ZNF292: variants seen among roughly 807,000 people sequenced by gnomAD.
ZNF292 encodes the protein zinc finger protein 292.
ZNF292 carries 26 observed loss-of-function variants against 217.9 expected under a neutral mutation model. The ratio of observed to expected loss-of-function variants is 0.12; its 90% confidence interval spans 0.09 to 0.17. ZNF292 has a LOEUF of 0.17. Among genes scored for constraint, ZNF292 ranks in the 10% least tolerant of loss-of-function variants. ZNF292 has a pLI of 1.00. For synonymous variants in ZNF292, 1,257 were observed against 1,124.1 expected, an observed-to-expected ratio of 1.12 and a Z score of -2.37; for missense variants, 2,904 against 3,175.2, an observed-to-expected ratio of 0.91 and a Z score of 2.05.
chr6:87,190,682 C>T (rs1018581919), intron 1 of ZNF292, among the ~76,000 whole-genome samples: 1 of 152,064 alleles, frequency 6.6e-6, no homozygotes, highest in Non-Finnish European at 1.5e-5. Context: ...TCATGTTGGC[C>T]AGGCTGGTCT....
Position 87,260,488 on chromosome 6 carries a change from G to T in ZNF292, c.6859G>T (p.Ala2287Ser). 1 of 1,613,444 alleles carries T rather than the reference G, an allele frequency of 6.2e-7. No individual in the cohort carries two copies. The highest frequency in any genetic ancestry group is 8.5e-7 in the Non-Finnish European group (1 of 1,179,674). The stretch of plus-strand genomic sequence containing the variant: ...TAATAAGCATAATGACAAACATAAG[G>T]CTCATTTGATTCGTCCAAGAAGATT... Reference protein sequence around the residue: ...IFNKHNDKHKAHLIRPRRLTP... With the variant: ...IFNKHNDKHKSHLIRPRRLTP... The change falls in exon 8 of 8, where the codon GCT becomes TCT. Residue 2287 changes from alanine to serine, a missense_variant. This residue lies in a region of ZNF292 where 55 missense variants were observed against 99.8 expected (regional missense o/e 0.55). Transcript: ENST00000369577.
chr6:87,184,211 G>A (rs370868842), intron 1 of ZNF292, among the ~76,000 whole-genome samples: 1 of 152,210 alleles, frequency 6.6e-6, no homozygotes, highest in African/African-American at 2.4e-5. Context: ...AATGTGTGAA[G>A]GGGCAGAAGT....
At position 87,259,777 on chromosome 6, in the gene ZNF292, C is replaced by T; in HGVS notation, c.6148C>T (p.Pro2050Ser). ...PEKQLVEKKS[P>S]DKTESSLQVI... ...AAAACAACTTGTAGAAAAAAAAAGT[C>T]CTGACAAAACAGAAAGTTCTTTACA... Residue 2050 changes from proline (P) to serine (S), a missense_variant, in exon 8 of 8, where the codon CCT (proline) becomes TCT (serine). Physicochemically the swap from Pro to Ser is moderately conservative, Grantham distance 74. Around this residue, in one of 15 missense-constraint regions of ZNF292, gnomAD observed 261 missense variants for 272.8 expected, o/e 0.96. Transcript: ENST00000369577. 2 of 1,602,970 alleles carry T rather than the reference C, an allele frequency of 1.2e-6. No individual in the cohort carries two copies. Among genetic ancestry groups the T allele is most frequent in the Non-Finnish European group, 1.7e-6 (2 of 1,174,606 alleles).
At chr6:87,233,954 A>C (rs1014296958) in intron 5 of ZNF292, among the ~76,000 whole-genome samples, 1 of 152,136 alleles carries the variant, frequency 6.6e-6, no homozygotes, top group Non-Finnish European at 1.5e-5. Context: ...TCTATATAGA[A>C]TATATATATG....
chr6:87,184,975 G>C (rs1012214318), intron 1 of ZNF292, among the ~76,000 whole-genome samples: 1 of 152,178 alleles, frequency 6.6e-6, no homozygotes, highest in African/African-American at 2.4e-5. Flanking sequence ...AGTGAGGTCA[G>C]ATCTTCCCTA....
At chr6:87,221,285 C>T (rs947869843) in intron 4 of ZNF292, among the ~76,000 whole-genome samples, 6 of 152,112 alleles carry the variant, frequency 3.9e-5, no homozygotes, top group Non-Finnish European at 5.9e-5. Context: ...ATCAAAGGAA[C>T]TTTAGGCATA....
In ZNF292 at chr6:87,260,695, C is replaced by A. The variant is rs1418701781; in HGVS notation, c.7066C>A (p.Pro2356Thr). 6.2e-7 allele frequency: 1 copy of A among 1,613,022 alleles called. No individual in the cohort carries two copies. The highest frequency in any genetic ancestry group is 1.3e-5 in the African/African-American group (1 of 74,946). The change falls in exon 8 of 8, where the codon CCT (proline) becomes ACT (threonine). Residue 2356 changes from proline (P) to threonine (T), a missense_variant. Pro to Thr is a conservative substitution (Grantham distance 38). Around this residue, in one of 15 missense-constraint regions of ZNF292, gnomAD observed 101 missense variants for 89.5 expected, o/e 1.13. Coordinates refer to ENST00000369577, the MANE Select transcript of ZNF292 (RefSeq NM_015021.3). ...GATTGTGCAGATTGAAGAAAATAAGCCTTATTCTCTGAAACGTGGGAAGCA... is the reference window on the plus strand; with the variant it reads ...GATTGTGCAGATTGAAGAAAATAAGACTTATTCTCTGAAACGTGGGAAGCA... Reference protein sequence around the residue: ...AKIVQIEENKPYSLKRGKHVY... With the variant: ...AKIVQIEENKTYSLKRGKHVY...
intron 1 of ZNF292, chr6:87,173,410 T>C (rs1286946697): frequency 1.3e-5 from 2 of 154,368 alleles, no homozygotes; most frequent in African/African-American, 4.8e-5. Context: ...GGGGTAAATT[T>C]AGCTTCTTCA....
chr6:87,239,993 A>G (rs909567587), intron 5 of ZNF292, among the ~76,000 whole-genome samples: 3 of 152,108 alleles, frequency 2.0e-5, no homozygotes, highest in African/African-American at 7.2e-5. Context: ...TGGGAGGCCA[A>G]GGCAGGCGGC....
rs2127883472 is a variant in ZNF292, at chr6:87,264,388, A to AT, written c.*2590dup. ...TTTTTGAAATTTTCAACGGTGTTAA[A>AT]TTTAACATAGGTACATTATTATTTT... On this transcript the variant is annotated 3_prime_UTR_variant, in exon 8 of 8. Transcript: ENST00000369577. 6.6e-6 allele frequency among the ~76,000 whole-genome samples: 1 copy of AT among 152,342 alleles called. No homozygotes were observed. The highest frequency in any genetic ancestry group is 1.9e-4 in the East Asian group (1 of 5,188).
At position 87,255,766 on chromosome 6, in the gene ZNF292, C is replaced by T. The variant is rs1775177612; in HGVS notation, c.2137C>T (p.Arg713Cys). The stretch of plus-strand genomic sequence containing the variant: ...GCATAAAGATAATGAAGACGCCAAG[C>T]GCTTTCTTGAAATGCAGAGCAAAAA... ...KGHKDNEDAK[R>C]FLEMQSKKVI... Residue 713 changes from arginine (R) to cysteine (C), a missense_variant, in exon 8 of 8, where the codon CGC (arginine) becomes TGC (cysteine). Physicochemically the swap from Arg to Cys is radical, Grantham distance 180. Coordinates refer to ENST00000369577, the MANE Select transcript of ZNF292 (RefSeq NM_015021.3). 3.7e-6 allele frequency: 6 copies of T among 1,613,674 alleles called. No homozygotes were observed. The highest frequency in any genetic ancestry group is 2.2e-5 in the South Asian group (2 of 91,076).
Position 87,163,492 on chromosome 6 carries a change from C to T in ZNF292, c.168+7733C>T, listed in dbSNP as rs555014874. ...AAAAAAACCACATACATTTTAGTTA[C>T]ATATATCTTTTGATTTATTCTAATC... On this transcript the variant is annotated intron_variant, in intron 1 of 7. Transcript: ENST00000369577. Among the ~76,000 whole-genome samples the T allele has an allele frequency of 2.0e-5, 3 of 151,816 alleles. No homozygotes were observed. The South Asian group carries it at 6.3e-4, about 32-fold the overall frequency.
rs1444134761 is a variant in ZNF292, at chr6:87,239,738, C to T, written c.742-3737C>T. On this transcript the variant is annotated intron_variant, in intron 5 of 7. Coordinates refer to ENST00000369577, the MANE Select transcript of ZNF292 (RefSeq NM_015021.3). ...GGGGTCGCGGCTGGGCAGAGGCGCT[C>T]CTCACATCCCAGATGGGGCGGTGGG... Among the ~76,000 whole-genome samples the T allele has an allele frequency of 1.4e-5, 2 of 144,420 alleles. 1 individual carries two copies. The highest frequency in any genetic ancestry group is 5.4e-5 in the African/African-American group (2 of 37,340). 94.7% of individuals were successfully genotyped at this position (144,420 alleles called of 152,430 possible). A position where few individuals can be genotyped will look rare whatever the true frequency, so the allele number is the denominator to read the frequency against.
Position 87,256,035 on chromosome 6 carries a change from A to G in ZNF292, c.2406A>G (p.Gln802=). 6.2e-7 allele frequency: 1 copy of G among 1,608,432 alleles called. No individual in the cohort carries two copies. The highest frequency in any genetic ancestry group is 8.5e-7 in the Non-Finnish European group (1 of 1,176,864). ...EAYLLYDHEA[Q]HYNTYTCKFT... is the part of the protein sequence containing the mutation. ...ATTTACTATATGATCATGAAGCACAACATTATAATACGTACACTTGTAAGT... is the reference window on the plus strand; with the variant it reads ...ATTTACTATATGATCATGAAGCACAGCATTATAATACGTACACTTGTAAGT... Residue 802 remains glutamine (Q), a synonymous_variant, in exon 8 of 8, where the codon CAA becomes CAG. Coordinates refer to ENST00000369577, the MANE Select transcript of ZNF292 (RefSeq NM_015021.3).
In ZNF292 at chr6:87,260,933, T is replaced by G. The variant is rs1283471441; in HGVS notation, c.7304T>G (p.Val2435Gly). The change falls in exon 8 of 8, where the codon GTA becomes GGA. Residue 2435 changes from valine to glycine, a missense_variant. By Grantham distance (109) the Val-to-Gly change is moderately radical (BLOSUM62 -3). Around this residue, in one of 15 missense-constraint regions of ZNF292, gnomAD observed 380 missense variants for 355.3 expected, o/e 1.07. Transcript: ENST00000369577. The part of the protein sequence containing the change: ...IVFKRCCNSQ[V>G]KETSEQEGAK... ...TTCAAACGGTGTTGCAACTCACAAG[T>G]AAAGGAAACGTCTGAGCAAGAAGGT... is the stretch of plus-strand genomic sequence containing the variant. 1.9e-6 allele frequency: 3 copies of G among 1,610,720 alleles called. No individual in the cohort carries two copies. The highest frequency in any genetic ancestry group is 2.5e-6 in the Non-Finnish European group (3 of 1,178,398).
At chr6:87,171,317 A>G (rs910254081) in intron 1 of ZNF292, among the ~76,000 whole-genome samples, 3 of 152,098 alleles carry the variant, frequency 2.0e-5, no homozygotes, top group Non-Finnish European at 2.9e-5. Context: ...AGTAACTAAA[A>G]GAACAGATTT....
At chr6:87,214,305 C>G (rs1772633316) in intron 1 of ZNF292, among the ~76,000 whole-genome samples, 1 of 152,070 alleles carries the variant, frequency 6.6e-6, no homozygotes, top group African/African-American at 2.4e-5. Context: ...GCATCTCTGT[C>G]CCTGCTTGGA....
chr6:87,212,766 T>A (rs2127799249), intron 1 of ZNF292, among the ~76,000 whole-genome samples: 1 of 152,342 alleles, frequency 6.6e-6, no homozygotes, highest in East Asian at 1.9e-4. Context: ...TTTTAATTGC[T>A]CTAATCAAAA....
chr6:87,233,320 T>C lies in ZNF292; in HGVS notation c.539-5T>C. On this transcript the variant is annotated splice_region_variant and splice_polypyrimidine_tract_variant and intron_variant, in intron 4 of 7. Coordinates refer to ENST00000369577, the MANE Select transcript of ZNF292 (RefSeq NM_015021.3). ...TAATAATCTATTATGTCTTGTTTTT[T>C]AAAGTGAATGAATTTTTAGCTTTTG... 6.3e-7 allele frequency: 1 copy of C among 1,597,910 alleles called. No homozygotes were observed. The highest frequency in any genetic ancestry group is 8.5e-7 in the Non-Finnish European group (1 of 1,169,866).
Sources: allele counts gnomAD v4.1 joint callset (sites outside exome capture counted in the v4.1 genomes callset), GRCh38; gene constraint gnomAD v4.1.1; regional missense constraint gnomAD v4.1.1; transcripts MANE v1.5; gene names NCBI Gene and HGNC (gene_info 2026-07-23, HGNC 2026-07-21).